The following ATP7B variants were observed in gnomAD, a reference collection of about 807,000 sequenced individuals.
The protein encoded by ATP7B is copper-transporting ATPase 2.
In ATP7B, 113 loss-of-function variants were observed where a neutral mutation model predicts 118.9. The ratio of observed to expected loss-of-function variants is 0.95; its 90% CI spans 0.82 to 1.11. The LOEUF (loss-of-function observed/expected upper bound fraction) is 1.11, where lower values mean the gene tolerates loss of function less well. ATP7B is among the 50% of genes most tolerant of loss of function. ATP7B has a pLI of 0.00. For missense variants in ATP7B, 1,867 were observed against 1,871.4 expected, an observed-to-expected ratio of 1.00 and a Z score of 0.04; for synonymous variants, 777 against 727.4, an observed-to-expected ratio of 1.07 and a Z score of -1.10.
chr13:51,974,555 A>G lies in ATP7B; in HGVS notation c.665T>C (p.Ile222Thr), dbSNP rs373476328. ...AGTGCTTTGTAACCGCTCAATATCA[A>G]TTGGTCCCAGGCTTAAGGGAGCCAC... ...SKVAPLSLGP[I>T]DIERLQSTNP... Residue 222 changes from isoleucine to threonine, a missense_variant, in exon 2 of 21, where the codon ATT (isoleucine) becomes ACT (threonine). Physicochemically the swap from Ile to Thr is moderately conservative, Grantham distance 89. Coordinates refer to ENST00000242839, the MANE Select transcript of ATP7B (RefSeq NM_000053.4). 42 of 1,614,042 alleles carry G rather than the reference A, an allele frequency of 2.6e-5. No individual in the cohort carries two copies. Among genetic ancestry groups the G allele is most frequent in the Non-Finnish European group, 3.4e-5 (40 of 1,180,040 alleles).
At chr13:51,941,398 T>C (rs1164377317) in intron 15 of ATP7B, among the ~76,000 whole-genome samples, 174 bp from the exon 16 acceptor site, 4 of 151,306 alleles carry the variant, frequency 2.6e-5, no homozygotes, top group Non-Finnish European at 5.9e-5. Flanking sequence ...GTAAAATTAA[T>C]GTGTAGGACA....
intron 3 of ATP7B, among the ~76,000 whole-genome samples, chr13:51,970,002 A>C (rs1951760784): frequency 1.3e-5 from 2 of 152,252 alleles, no homozygotes; most frequent in African/African-American, 4.8e-5. Context: ...TTTCAGGTTT[A>C]AAAGTATTGG....
intron 12 of ATP7B, among the ~76,000 whole-genome samples, chr13:51,947,167 A>T (rs1274765951): frequency 6.6e-6 from 1 of 152,248 alleles, no homozygotes; most frequent in Non-Finnish European, 1.5e-5. Context: ...AGGTACCAGC[A>T]GCACTGCAAA....
Position 51,941,081 on chromosome 13 carries a change from C to A in ATP7B, c.3556G>T (p.Gly1186Cys). Reference sequence around the variant, plus strand: ...GAAGGAAGGCAGAAGCAGAAGATACCGTCAATAGCCACCAGGATGGCTGTC... The same window carrying A: ...GAAGGAAGGCAGAAGCAGAAGATACAGTCAATAGCCACCAGGATGGCTGTC... ...GQTAILVAIDGVLCGMIAIAD... is the reference protein window; with the variant it reads ...GQTAILVAIDCVLCGMIAIAD... Residue 1186 changes from glycine (G) to cysteine (C), a missense_variant and splice_region_variant, in exon 16 of 21, where the codon GGT becomes TGT. By Grantham distance (159) the Gly-to-Cys change is radical. Coordinates refer to ENST00000242839, the MANE Select transcript of ATP7B (RefSeq NM_000053.4). The A allele has an allele frequency of 6.2e-7, 1 of 1,614,124 alleles. No homozygotes were observed. The highest frequency in any genetic ancestry group is 8.5e-7 in the Non-Finnish European group (1 of 1,180,020).
intron 5 of ATP7B, chr13:51,964,652 C>A: frequency 1.8e-6 from 1 of 541,926 alleles, no homozygotes; most frequent in Non-Finnish European, 3.2e-6. Flanking sequence ...ATGTCTTTTC[C>A]TCATCTTTCT....
Position 51,974,369 on chromosome 13 carries a change from C to T in ATP7B, c.851G>A (p.Gly284Glu). 1 of 1,613,870 alleles carries T rather than the reference C, an allele frequency of 6.2e-7. No homozygotes were observed. Among genetic ancestry groups the T allele is most frequent in the Non-Finnish European group, 8.5e-7 (1 of 1,180,022 alleles). ...NIEENIGQLLGVQSIQVSLEN... is the reference protein window; with the variant it reads ...NIEENIGQLLEVQSIQVSLEN... The stretch of plus-strand genomic sequence containing the variant: ...CAAGGACACTTGAATACTTTGAACC[C>T]CTAGGAGCTGGCCAATATTTTCTTC... Residue 284 changes from glycine (G) to glutamate (E), a missense_variant, in exon 2 of 21, where the codon GGG becomes GAG. By Grantham distance (98) the Gly-to-Glu change is moderately conservative. Transcript: ENST00000242839.
chr13:51,974,003 G>A lies in ATP7B; in HGVS notation c.1217C>T (p.Ser406Phe). 1 of 1,614,266 alleles carries A rather than the reference G, an allele frequency of 6.2e-7. No individual in the cohort carries two copies. Residue 406 changes from serine to phenylalanine, a missense_variant, in exon 2 of 21, where the codon TCT (serine) becomes TTT (phenylalanine). Transcript: ENST00000242839. ...EGTATVLYNP[S>F]VISPEELRAA... Reference sequence around the variant, plus strand: ...TCTGAGTTCTTCTGGGCTAATTACAGAGGGATTATAAAGAACTGTTGCAGT... The same window carrying A: ...TCTGAGTTCTTCTGGGCTAATTACAAAGGGATTATAAAGAACTGTTGCAGT...
Position 51,968,484 on chromosome 13 carries a change from A to G in ATP7B, c.1667T>C (p.Met556Thr), listed in dbSNP as rs1204797046. ...IQDLGFEAAV[M>T]EDYAGSDGNI... Reference sequence around the variant, plus strand: ...GCCATCGGAGCCTGCGTAGTCCTCCATGACTGCTGCCTCAAAACCCAGGTC... The same window carrying G: ...GCCATCGGAGCCTGCGTAGTCCTCCGTGACTGCTGCCTCAAAACCCAGGTC... The change falls in exon 4 of 21, where the codon ATG becomes ACG. Residue 556 changes from methionine (M) to threonine (T), a missense_variant. Transcript: ENST00000242839. 1.2e-6 allele frequency: 2 copies of G among 1,614,168 alleles called. No individual in the cohort carries two copies. The highest frequency in any genetic ancestry group is 1.7e-5 in the Admixed American group (1 of 60,012).
At chr13:51,955,188 G>T (rs768550076) in intron 9 of ATP7B, among the ~76,000 whole-genome samples, 8 of 152,216 alleles carry the variant, frequency 5.3e-5, no homozygotes, top group Non-Finnish European at 8.8e-5. Flanking sequence ...TGGACCAAAG[G>T]CACAAGCAGA....
At chr13:51,973,602 A>G (rs976350465) in intron 2 of ATP7B, among the ~76,000 whole-genome samples, 2 of 152,208 alleles carry the variant, frequency 1.3e-5, no homozygotes, top group African/African-American at 4.8e-5. Context: ...GAAGGCTCTC[A>G]CCAGATGTGG....
intron 19 of ATP7B, among the ~76,000 whole-genome samples, chr13:51,936,758 C>G (rs1956990908): frequency 6.6e-6 from 1 of 152,152 alleles, no homozygotes; most frequent in Non-Finnish European, 1.5e-5. Context: ...AACCCCTGAG[C>G]TCAAATGACC....
chr13:51,972,641 A>G (rs1429923822), intron 2 of ATP7B, among the ~76,000 whole-genome samples: 1 of 152,124 alleles, frequency 6.6e-6, no homozygotes, highest in Non-Finnish European at 1.5e-5. Context: ...CTCCATGGAC[A>G]CTGTACTGTG....
chr13:51,943,009 A>G (rs749643037), intron 14 of ATP7B, among the ~76,000 whole-genome samples: 1 of 152,232 alleles, frequency 6.6e-6, no homozygotes, highest in Non-Finnish European at 1.5e-5. Context: ...GACTATCAAG[A>G]GATAACTGCC....
intron 4 of ATP7B, among the ~76,000 whole-genome samples, chr13:51,966,307 G>C (rs961766624): frequency 6.6e-6 from 1 of 152,182 alleles, no homozygotes; most frequent in Non-Finnish European, 1.5e-5. Context: ...CACGTCCCCA[G>C]ATGGGCTGGC....
At position 51,934,618 on chromosome 13, in the gene ATP7B, G is replaced by A. The variant is rs907806824; in HGVS notation, c.*138C>T. On this transcript the variant is annotated 3_prime_UTR_variant, in exon 21 of 21. Transcript: ENST00000242839. ...CCCAGACAAGGCCGCGTGCTGCAGG[G>A]CAGGATGACTGGACATATCCAGGGA... is the stretch of plus-strand genomic sequence containing the variant. 1 of 1,391,896 alleles carries A rather than the reference G, an allele frequency of 7.2e-7. No individual in the cohort carries two copies. Among genetic ancestry groups the A allele is most frequent in the Non-Finnish European group, 9.9e-7 (1 of 1,012,024 alleles). The allele number at this position is 1,391,896 out of a possible 1,614,324, so 86.2% of individuals were successfully genotyped here.
At chr13:52,001,566 C>T (rs999301065) in intron 1 of ATP7B, among the ~76,000 whole-genome samples, 1 of 152,118 alleles carries the variant, frequency 6.6e-6, no homozygotes, top group Admixed American at 6.5e-5. Context: ...AAAGGGCTCA[C>T]TTCCTCACCT....
intron 1 of ATP7B, among the ~76,000 whole-genome samples, chr13:52,006,587 A>G (rs914994894): frequency 3.9e-5 from 6 of 152,300 alleles, no homozygotes; most frequent in Middle Eastern, 6.8e-3. Context: ...GGTCTCCCGC[A>G]GCTCCCTGCC....
Position 51,936,502 on chromosome 13 carries a change from T to A in ATP7B, c.4021+774A>T, listed in dbSNP as rs138441568. 1.8e-3 allele frequency among the ~76,000 whole-genome samples: 275 copies of A among 152,154 alleles called. 2 individuals are homozygous for A. Among genetic ancestry groups the A allele is most frequent in the African/African-American group, 6.3e-3 (261 of 41,496 alleles). ...TTAAGGAGGGGGAATGAGGGGGAAT[T>A]ACAAAGCAGAAAAATCTATTTCTTT... On this transcript the variant is annotated intron_variant, in intron 19 of 20. Coordinates refer to ENST00000242839, the MANE Select transcript of ATP7B (RefSeq NM_000053.4).
intron 9 of ATP7B, among the ~76,000 whole-genome samples, chr13:51,953,862 A>AAAAAAAAAAAAAAAC (rs1958168383): frequency 1.3e-5 from 2 of 151,202 alleles, no homozygotes; most frequent in Admixed American, 6.6e-5. Context: ...AAAAAAAAAA[A>AAAAAAAAAAAAAAAC]AAAAAACCAG....
Sources: allele counts gnomAD v4.1 joint callset (sites outside exome capture counted in the v4.1 genomes callset), GRCh38; gene constraint gnomAD v4.1.1; transcripts MANE v1.5; gene names NCBI Gene and HGNC (gene_info 2026-07-23, HGNC 2026-07-21).